Variants in AFG2A observed in about 807,000 individuals in gnomAD.
The protein encoded by AFG2A is ATPase family gene 2 protein homolog A.
At chr4:123,260,825 G>C in the AFG2A span, among the ~76,000 whole-genome samples, 1 of 152,312 alleles carries the variant, frequency 6.6e-6, no homozygotes, top group Middle Eastern at 3.4e-3. Context: ...AAGTGAAGCA[G>C]AGCAGCACAG....
chr4:122,990,616 C>G, the AFG2A span, among the ~76,000 whole-genome samples: 1 of 152,138 alleles, frequency 6.6e-6, no homozygotes, highest in African/African-American at 2.4e-5. Context: ...CAGGAGCTCT[C>G]TCTGTCTTCC....
chr4:123,230,152 C>T, the AFG2A span, among the ~76,000 whole-genome samples: 3 of 151,928 alleles, frequency 2.0e-5, no homozygotes, highest in Non-Finnish European at 4.4e-5. Flanking sequence ...AAGTTTGCCA[C>T]ATCCATTGAC....
chr4:123,189,899 G>A, the AFG2A span, among the ~76,000 whole-genome samples: 3 of 129,330 alleles, frequency 2.3e-5, no homozygotes, highest in Admixed American at 9.8e-5. Context: ...ACTGCAGCCC[G>A]GGTTCAGGTG....
chr4:123,149,784 A>G, the AFG2A span, among the ~76,000 whole-genome samples: 1 of 134,866 alleles, frequency 7.4e-6, no homozygotes, highest in Admixed American at 7.2e-5. Context: ...CCTAAGCATT[A>G]TTTTAGGAAA....
the AFG2A span, among the ~76,000 whole-genome samples, chr4:123,045,132 A>G: frequency 6.6e-6 from 1 of 151,794 alleles, no homozygotes; most frequent in African/African-American, 2.4e-5. Context: ...ATCTATTTGT[A>G]TTGAACTTTT....
chr4:123,038,163 C>T, the AFG2A span, among the ~76,000 whole-genome samples: 2 of 152,056 alleles, frequency 1.3e-5, no homozygotes, highest in African/African-American at 2.4e-5. Context: ...AGACTTGTAT[C>T]CCAGTTCTGC....
At chr4:123,270,776 G>T in the AFG2A span, among the ~76,000 whole-genome samples, 7 of 152,136 alleles carry the variant, frequency 4.6e-5, no homozygotes. Context: ...CATAAAGTTT[G>T]ATCAAAGTAC....
the AFG2A span, among the ~76,000 whole-genome samples, chr4:123,021,404 G>C: frequency 2.4e-3 from 371 of 152,108 alleles, no homozygotes; most frequent in Non-Finnish European, 3.8e-3. Context: ...GTTGCCATCT[G>C]AGATATAAAT....
At chr4:122,973,803 G>A in the AFG2A span, among the ~76,000 whole-genome samples, 16 of 152,110 alleles carry the variant, frequency 1.1e-4, no homozygotes, top group South Asian at 8.3e-4. Context: ...CAGTCATTGC[G>A]TGTAGCTAGG....
chr4:123,068,102 G>T, the AFG2A span, among the ~76,000 whole-genome samples: 1 of 152,284 alleles, frequency 6.6e-6, no homozygotes, highest in Middle Eastern at 3.4e-3. Flanking sequence ...TTCCCCTATT[G>T]TGTTGCCTAT....
chr4:123,092,709 C>T, the AFG2A span, among the ~76,000 whole-genome samples: 3 of 152,278 alleles, frequency 2.0e-5, no homozygotes, highest in East Asian at 5.8e-4. Context: ...GCATTAGGAG[C>T]TCATGTTTCT....
the AFG2A span, chr4:122,934,321 C>T: frequency 6.2e-7 from 1 of 1,614,170 alleles, no homozygotes; most frequent in Non-Finnish European, 8.5e-7. Context: ...GGAGGATACC[C>T]AGATCCCAAC....
At chr4:123,154,984 C>G in the AFG2A span, among the ~76,000 whole-genome samples, 1 of 152,062 alleles carries the variant, frequency 6.6e-6, no homozygotes, top group Non-Finnish European at 1.5e-5. Flanking sequence ...TCCCTCTTTT[C>G]TTCCCTCCCT....
chr4:122,945,191 C>G, the AFG2A span, among the ~76,000 whole-genome samples: 1 of 152,226 alleles, frequency 6.6e-6, no homozygotes, highest in Non-Finnish European at 1.5e-5. Flanking sequence ...ACATTTAAGT[C>G]TGCAGAGGTT....
chr4:123,266,987 G>GA, the AFG2A span, among the ~76,000 whole-genome samples: 6 of 151,988 alleles, frequency 3.9e-5, no homozygotes, highest in African/African-American at 1.4e-4. Context: ...ATAAGGCTGA[G>GA]AAGTCTAATG....
chr4:123,192,662 A>T, the AFG2A span, among the ~76,000 whole-genome samples: 44 of 152,238 alleles, frequency 2.9e-4, no homozygotes, highest in South Asian at 6.8e-3. Flanking sequence ...GTCCCCTAGG[A>T]CCTTTACCAG....
At chr4:123,113,235 T>C in the AFG2A span, among the ~76,000 whole-genome samples, 1 of 152,232 alleles carries the variant, frequency 6.6e-6, no homozygotes, top group Non-Finnish European at 1.5e-5. Context: ...GCTTGGGATC[T>C]TTGCTAGGAG....
chr4:122,927,505 G>T, the AFG2A span: 1 of 881,658 alleles, frequency 1.1e-6, no homozygotes, highest in Non-Finnish European at 1.6e-6. Context: ...TGGAACACTA[G>T]TTTCTCCAGG....
At chr4:123,118,623 C>T in the AFG2A span, among the ~76,000 whole-genome samples, 620 of 151,596 alleles carry the variant, frequency 4.1e-3, 3 homozygotes, top group African/African-American at 0.014. Flanking sequence ...GTAATCTTGT[C>T]CAGGTGTCAT....
Sources: allele counts gnomAD v4.1 joint callset (sites outside exome capture counted in the v4.1 genomes callset), GRCh38; gene constraint gnomAD v4.1.1; transcripts MANE v1.5; gene names NCBI Gene and HGNC (gene_info 2026-07-23, HGNC 2026-07-21).